Variants in CDC42SE2 observed in about 807,000 individuals in gnomAD.
The protein encoded by CDC42SE2 is CDC42 small effector 2.
A neutral mutation model predicts 11.5 loss-of-function variants in CDC42SE2; 3 were observed. The ratio of observed to expected loss-of-function variants is 0.26; its 90% CI spans 0.12 to 0.67. CDC42SE2 has a LOEUF of 0.67. CDC42SE2 is among the 30% of genes least tolerant of loss of function. The probability of loss-of-function intolerance (pLI) is 0.80; values close to 1 mark genes in which losing one functional copy is unlikely to be tolerated. For synonymous variants in CDC42SE2, 33 were observed against 34.8 expected (o/e 0.95, Z 0.18); for missense variants, 82 against 106.8 (o/e 0.77, Z 1.02).
At chr5:131,218,025 A>C in the CDC42SE2 span, among the ~76,000 whole-genome samples, 1 of 152,110 alleles carries the variant, frequency 6.6e-6, no homozygotes, top group African/African-American at 2.4e-5. Flanking sequence ...AATTGCAAAA[A>C]TTAGCCAAGG....
intron 1 of CDC42SE2, among the ~76,000 whole-genome samples, chr5:131,251,770 T>C (rs2149683317): frequency 6.6e-6 from 1 of 152,242 alleles, no homozygotes; most frequent in East Asian, 1.9e-4. Flanking sequence ...TTGCGGAATT[T>C]TGGGATTCCG....
intron 1 of CDC42SE2, among the ~76,000 whole-genome samples, chr5:131,314,750 T>A (rs1023945225): frequency 1.4e-4 from 22 of 152,204 alleles, no homozygotes; most frequent in Non-Finnish European, 1.2e-4. Flanking sequence ...TTTATAAAAT[T>A]AATATCAATG....
At chr5:131,281,310 T>C (rs1757234414) in intron 1 of CDC42SE2, among the ~76,000 whole-genome samples, 1 of 152,196 alleles carries the variant, frequency 6.6e-6, no homozygotes, top group Non-Finnish European at 1.5e-5. Context: ...AAAACATTTC[T>C]CATGTGGTAA....
intron 2 of CDC42SE2, among the ~76,000 whole-genome samples, chr5:131,339,920 T>C (rs991375199): frequency 6.6e-6 from 1 of 151,744 alleles, no homozygotes; most frequent in Non-Finnish European, 1.5e-5. Context: ...GTCCTAAATA[T>C]ATAAAAATGA....
At chr5:131,321,104 AT>A (rs1168861559) in intron 2 of CDC42SE2, among the ~76,000 whole-genome samples, 1 of 152,226 alleles carries the variant, frequency 6.6e-6, no homozygotes, top group Non-Finnish European at 1.5e-5. Context: ...CATCTGCCAA[AT>A]TTAAAATGCC....
intron 3 of CDC42SE2, among the ~76,000 whole-genome samples, chr5:131,367,514 C>G (rs1464707021): frequency 1.3e-5 from 2 of 152,060 alleles, no homozygotes; most frequent in Non-Finnish European, 2.9e-5. Context: ...TGTTTTTTCA[C>G]TTTTTAATTT....
chr5:131,369,347 G>C (rs560563104), intron 3 of CDC42SE2, among the ~76,000 whole-genome samples: 2 of 152,262 alleles, frequency 1.3e-5, no homozygotes, highest in African/African-American at 4.8e-5. Flanking sequence ...GATAAACCTA[G>C]TACGCGACTA....
intron 1 of CDC42SE2, among the ~76,000 whole-genome samples, chr5:131,300,771 A>T (rs566294613): frequency 3.4e-4 from 52 of 150,894 alleles, no homozygotes; most frequent in Non-Finnish European, 5.3e-4. Flanking sequence ...TGACAGAGCG[A>T]GACTCCGTCT....
intron 2 of CDC42SE2, among the ~76,000 whole-genome samples, chr5:131,348,858 T>C (rs911155832): frequency 3.9e-5 from 6 of 152,140 alleles, no homozygotes; most frequent in African/African-American, 1.4e-4. Context: ...CATCTGATCT[T>C]TGAGAAACCT....
intron 1 of CDC42SE2, among the ~76,000 whole-genome samples, chr5:131,269,678 C>CAT (rs1457094555): frequency 6.7e-6 from 1 of 148,398 alleles, no homozygotes; most frequent in African/African-American, 2.5e-5. Flanking sequence ...GCAGGAGAAT[C>CAT]ATGTGAACCC....
intron 2 of CDC42SE2, among the ~76,000 whole-genome samples, chr5:131,329,085 C>T (rs749673291): frequency 3.9e-5 from 6 of 152,218 alleles, no homozygotes; most frequent in Non-Finnish European, 7.4e-5. Flanking sequence ...GTCTGCTTTC[C>T]TGAGCTTTCC....
At chr5:131,292,172 G>A (rs973524620) in intron 1 of CDC42SE2, among the ~76,000 whole-genome samples, 2 of 147,114 alleles carry the variant, frequency 1.4e-5, no homozygotes, top group Admixed American at 6.9e-5. Context: ...CTGGGAGGCG[G>A]AGGTTGCAGT....
At chr5:131,351,079 TG>T in intron 2 of CDC42SE2, among the ~76,000 whole-genome samples, 1 of 151,934 alleles carries the variant, frequency 6.6e-6, no homozygotes, top group East Asian at 1.9e-4. Flanking sequence ...TCCAAGTAAC[TG>T]GGACTACAGG....
In CDC42SE2 at chr5:131,309,744, G is replaced by A. The variant is rs1276514299; in HGVS notation, c.-454-6232G>A. On this transcript the variant is annotated intron_variant, in intron 1 of 4. Coordinates refer to ENST00000505065, the MANE Select transcript of CDC42SE2 (RefSeq NM_001375635.1). ...CTAGTTTATTTGCGTAGAGGTGTTTGTAGTATTCTCTGATGGTAGTTTGTA... is the reference window on the plus strand; with the variant it reads ...CTAGTTTATTTGCGTAGAGGTGTTTATAGTATTCTCTGATGGTAGTTTGTA... Among the ~76,000 whole-genome samples the A allele has an allele frequency of 5.3e-5, 8 of 151,972 alleles. No homozygotes were observed. The South Asian group carries it at 6.2e-4, about 12-fold the overall frequency.
chr5:131,382,082 A>T (rs1049896604), intron 3 of CDC42SE2, among the ~76,000 whole-genome samples: 1 of 152,064 alleles, frequency 6.6e-6, no homozygotes, highest in African/African-American at 2.4e-5. Flanking sequence ...CTAAGGTGTG[A>T]CTCCCAGCTC....
At chr5:131,333,086 T>A (rs939009974) in intron 2 of CDC42SE2, among the ~76,000 whole-genome samples, 2 of 152,156 alleles carry the variant, frequency 1.3e-5, no homozygotes, top group Non-Finnish European at 2.9e-5. Flanking sequence ...TCTTCTAGGG[T>A]TTTTATGGTT....
At chr5:131,338,820 G>A (rs754392289) in intron 2 of CDC42SE2, among the ~76,000 whole-genome samples, 1 of 152,160 alleles carries the variant, frequency 6.6e-6, no homozygotes, top group Non-Finnish European at 1.5e-5. Flanking sequence ...ACATACCAGT[G>A]TGCAGTATGA....
intron 3 of CDC42SE2, among the ~76,000 whole-genome samples, chr5:131,360,256 G>A (rs757317047): frequency 6.6e-6 from 1 of 152,146 alleles, no homozygotes; most frequent in South Asian, 2.1e-4. Context: ...GAGTAGCTGG[G>A]ATTATAGGCA....
chr5:131,293,410 A>C (rs1757502988), intron 1 of CDC42SE2, among the ~76,000 whole-genome samples: 1 of 152,142 alleles, frequency 6.6e-6, no homozygotes, highest in Non-Finnish European at 1.5e-5. Context: ...TGTTTCTACT[A>C]AAAATACAAA....
Sources: allele counts gnomAD v4.1 joint callset (sites outside exome capture counted in the v4.1 genomes callset), GRCh38; gene constraint gnomAD v4.1.1; transcripts MANE v1.5; gene names NCBI Gene and HGNC (gene_info 2026-07-23, HGNC 2026-07-21).